PGR: variants seen among roughly 807,000 people sequenced by gnomAD.
PGR encodes the protein progesterone receptor, also known as nuclear receptor subfamily 3 group C member 3.
PGR carries 25 observed loss-of-function variants against 76.1 expected under a neutral mutation model. The observed-to-expected ratio is 0.33, with a 90% CI of 0.24 to 0.46. The LOEUF (loss-of-function observed/expected upper bound fraction) is 0.46. PGR is among the 20% of genes least tolerant of loss of function. The pLI is 1.00. For missense variants in PGR, 1,172 were observed against 1,225.3 expected, an observed-to-expected ratio of 0.96 and a Z score of 0.65; for synonymous variants, 579 against 535.0, an observed-to-expected ratio of 1.08 and a Z score of -1.14.
At chr11:101,090,275 T>C (rs1861637779) in intron 3 of PGR, among the ~76,000 whole-genome samples, 1 of 152,032 alleles carries the variant, frequency 6.6e-6, no homozygotes, top group Non-Finnish European at 1.5e-5. Flanking sequence ...TCCCCAGGAG[T>C]ATTCTGAAGG....
chr11:101,037,733 G>C lies in PGR; in HGVS notation c.*1383C>G, dbSNP rs909527217. The stretch of plus-strand genomic sequence containing the variant: ...AGATAATTGATGGAGATAAAGCATG[G>C]GAGAAGAAAGTGATAAAGTCATGGG... On this transcript the variant is annotated 3_prime_UTR_variant, in exon 8 of 8. Coordinates refer to ENST00000325455, the MANE Select transcript of PGR (RefSeq NM_000926.4). 2.3e-4 allele frequency: 52 copies of C among 226,414 alleles called. No individual in the cohort carries two copies. Among genetic ancestry groups the C allele is most frequent in the African/African-American group, 1.1e-3 (50 of 44,942 alleles). The allele number at this position is 226,414 out of a possible 1,614,324, so 14.0% of individuals were successfully genotyped here. A position where few individuals can be genotyped will look rare whatever the true frequency, so the allele number is the denominator to read the frequency against.
rs184472910 is a variant in PGR at position 101,038,005 on chromosome 11, A to C, written c.*1111T>G. On this transcript the variant is annotated 3_prime_UTR_variant, in exon 8 of 8. Transcript: ENST00000325455. ...GAAGACTCAGGGAAGATTTTACAGAAATGACATTTGGCTGAGTCTCGAAGG... is the reference window on the plus strand; with the variant it reads ...GAAGACTCAGGGAAGATTTTACAGACATGACATTTGGCTGAGTCTCGAAGG... 2.6e-3 allele frequency: 541 copies of C among 209,808 alleles called. 1 individual carries two copies. Among genetic ancestry groups the C allele is most frequent in the Non-Finnish European group, 3.7e-3 (377 of 103,036 alleles). The allele number at this position is 209,808 out of a possible 1,614,324, so 13.0% of individuals were successfully genotyped here.
At chr11:101,069,998 TAA>T (rs757574197) in intron 3 of PGR, among the ~76,000 whole-genome samples, 1 of 142,600 alleles carries the variant, frequency 7.0e-6, no homozygotes. Flanking sequence ...GAACTTAAAT[TAA>T]AAAAAAAAAA....
At chr11:101,050,867 T>C (rs1385818037) in intron 5 of PGR, 4 of 172,556 alleles carry the variant, frequency 2.3e-5, no homozygotes, top group Admixed American at 1.2e-4. Context: ...ATGAAAATTA[T>C]CTAAAAACTG....
chr11:101,128,990 C>T lies in PGR; in HGVS notation c.81G>A (p.Leu27=), dbSNP rs1265140582. ...GPPSPEVGSP[L]LCRPAAGPFP... is the part of the protein sequence containing the mutation. ...ACGGACCTGCGGCTGGGCGACACAG[C>T]AGTGGGGATCCGACCTCGGGGGAGG... The change falls in exon 1 of 8, where the codon CTG becomes CTA. Residue 27 remains leucine (L), a synonymous_variant. Coordinates refer to ENST00000325455, the MANE Select transcript of PGR (RefSeq NM_000926.4). 6.3e-7 allele frequency: 1 copy of T among 1,592,994 alleles called. No individual in the cohort carries two copies. The highest frequency in any genetic ancestry group is 8.6e-7 in the Non-Finnish European group (1 of 1,169,476).
In PGR at chr11:101,127,870, G is replaced by C. The variant is rs1405633209; in HGVS notation, c.1201C>G (p.Pro401Ala). ...GCACCGGCCACAAGGTAGGAACGCG[G>C]GGAGCGCGCGGAGGCCTCCGCGCCT... ...EEGAEASARS[P>A]RSYLVAGANP... Residue 401 changes from proline (P) to alanine (A), a missense_variant, in exon 1 of 8, where the codon CCG (proline) becomes GCG (alanine). This residue lies in a region of PGR where 893 missense variants were observed against 785.9 expected (regional missense o/e 1.14). Coordinates refer to ENST00000325455, the MANE Select transcript of PGR (RefSeq NM_000926.4). 1.9e-6 allele frequency: 3 copies of C among 1,601,276 alleles called. No individual in the cohort carries two copies. The African/African-American group carries it at 4.0e-5, about 21-fold the overall frequency.
At chr11:101,060,522 T>C (rs180902118) in intron 4 of PGR, among the ~76,000 whole-genome samples, 10 of 152,330 alleles carry the variant, frequency 6.6e-5, no homozygotes, top group Non-Finnish European at 1.0e-4. Flanking sequence ...TTCAAGTCAA[T>C]TGAAATCAGT....
chr11:101,097,088 G>A (rs1861857182), intron 2 of PGR, among the ~76,000 whole-genome samples: 1 of 152,114 alleles, frequency 6.6e-6, no homozygotes, highest in Admixed American at 6.6e-5. Context: ...TGAAACCTGG[G>A]GAGCTTAATA....
At chr11:101,093,413 C>A (rs1565354967) in intron 2 of PGR, among the ~76,000 whole-genome samples, 1 of 151,982 alleles carries the variant, frequency 6.6e-6, no homozygotes, top group East Asian at 1.9e-4. Flanking sequence ...TCTATTTCTA[C>A]CCTATACTGA....
intron 2 of PGR, among the ~76,000 whole-genome samples, chr11:101,110,675 C>G (rs985735925): frequency 3.3e-5 from 5 of 152,154 alleles, no homozygotes; most frequent in Non-Finnish European, 7.3e-5. Context: ...GATAGTGCAG[C>G]AGCAGGTTTT....
chr11:101,062,440 T>C lies in PGR; in HGVS notation c.2212+7A>G. 1 of 1,603,874 alleles carries C rather than the reference T, an allele frequency of 6.2e-7. No individual in the cohort carries two copies. Among genetic ancestry groups the C allele is most frequent in the Non-Finnish European group, 8.5e-7 (1 of 1,170,900 alleles). On this transcript the variant is annotated splice_region_variant and intron_variant, in intron 4 of 7. Coordinates refer to ENST00000325455, the MANE Select transcript of PGR (RefSeq NM_000926.4). ...TATTACATGCTGTATATAAAAATTA[T>C]TATTACCTGGCAATGATTTAGACCA...
chr11:101,069,842 C>T (rs926568200), intron 3 of PGR, among the ~76,000 whole-genome samples: 6 of 151,678 alleles, frequency 4.0e-5, no homozygotes, highest in African/African-American at 1.5e-4. Context: ...CATCACACAC[C>T]AGGGCCTGTT....
At chr11:101,106,976 A>G (rs1862182093) in intron 2 of PGR, among the ~76,000 whole-genome samples, 2 of 152,198 alleles carry the variant, frequency 1.3e-5, no homozygotes, top group South Asian at 4.2e-4. Context: ...AAAACCAAAC[A>G]CCGCATTGTC....
chr11:101,052,069 T>C (rs1357325427), intron 4 of PGR, among the ~76,000 whole-genome samples: 1 of 152,142 alleles, frequency 6.6e-6, no homozygotes, highest in Non-Finnish European at 1.5e-5. Context: ...AATCAGTTCG[T>C]TAAATCTCAG....
At position 101,050,185 on chromosome 11, in the gene PGR, C is replaced by T. The variant is rs11571239; in HGVS notation, c.2358-126G>A. On this transcript the variant is annotated intron_variant, in intron 5 of 7. Coordinates refer to ENST00000325455, the MANE Select transcript of PGR (RefSeq NM_000926.4). The stretch of plus-strand genomic sequence containing the variant: ...CCTTACATATTATTGAAAATGACTA[C>T]TACTTTTAATAAACAAACCCAATAT... 2,481 of 918,912 alleles carry T rather than the reference C, an allele frequency of 2.7e-3. 44 individuals carry two copies. In the African/African-American group the frequency reaches 0.036, roughly 13 times the overall value. The allele number at this position is 918,912 out of a possible 1,614,324, so 56.9% of individuals were successfully genotyped here.
chr11:101,042,277 T>C (rs1326093216), intron 6 of PGR, among the ~76,000 whole-genome samples, 175 bp from the exon 7 acceptor site: 3 of 152,172 alleles, frequency 2.0e-5, no homozygotes, highest in African/African-American at 4.8e-5. Context: ...TCAGGACATA[T>C]AAACTTCTAG....
chr11:101,105,785 A>C (rs1862139185), intron 2 of PGR, among the ~76,000 whole-genome samples: 2 of 152,182 alleles, frequency 1.3e-5, no homozygotes, highest in Admixed American at 1.3e-4. Context: ...TCCTAAGCAA[A>C]AAGAACAAAG....
chr11:101,085,717 AAAAG>A, intron 3 of PGR, among the ~76,000 whole-genome samples: 1 of 152,020 alleles, frequency 6.6e-6, no homozygotes. Context: ...AACAAAGAAA[AAAAG>A]AGAGAAGATC....
At chr11:101,081,246 G>A (rs150973528) in intron 3 of PGR, among the ~76,000 whole-genome samples, 1,614 of 152,042 alleles carry the variant, frequency 0.011, 7 homozygotes, top group Middle Eastern at 0.058. Flanking sequence ...TGGCCAAGAC[G>A]GTGAAACCCT....
Sources: gnomAD v4.1 joint callset for allele counts (sites outside exome capture counted in the v4.1 genomes callset) on GRCh38, gnomAD v4.1.1 for gene constraint, gnomAD v4.1.1 regional missense constraint, MANE v1.5 for transcripts, NCBI Gene and HGNC (gene_info 2026-07-23, HGNC 2026-07-21) for gene names.